MED28: variants seen among roughly 807,000 people sequenced by gnomAD.
MED28 encodes mediator of RNA polymerase II transcription subunit 28.
MED28 carries 26 observed loss-of-function variants against 21.3 expected under a neutral mutation model. The ratio of observed to expected loss-of-function variants is 1.22; its 90% CI spans 0.89 to 1.69. The LOEUF is 1.69. Among genes scored for constraint, MED28 ranks in the 40% most tolerant of loss-of-function variants. The pLI is 0.00. For missense variants in MED28, 257 were observed against 215.4 expected (o/e 1.19, Z -1.21); for synonymous variants, 110 against 87.6 (o/e 1.26, Z -1.43).
intron 1 of MED28, among the ~76,000 whole-genome samples, chr4:17,616,927 T>C (rs1481889457): frequency 1.3e-5 from 2 of 152,216 alleles, no homozygotes; most frequent in East Asian, 3.8e-4. Flanking sequence ...GAGAACTCCC[T>C]CTGGGACTTG....
chr4:17,615,547 C>G (rs932145112), intron 1 of MED28, among the ~76,000 whole-genome samples: 9 of 152,168 alleles, frequency 5.9e-5, no homozygotes, highest in Non-Finnish European at 1.0e-4. Context: ...CGCGGTGGCT[C>G]ACGCCTGTAA....
chr4:17,623,749 A>T lies in MED28; in HGVS notation c.488A>T (p.Tyr163Phe). ...PADIPQGSLA[Y>F]LEQASANIPA... ...GACATCCCTCAGGGCTCCTTGGCCT[A>T]CCTGGAGCAGGCATCTGCCAACATC... The change falls in exon 4 of 4, where the codon TAC becomes TTC. Residue 163 changes from tyrosine (Y) to phenylalanine (F), a missense_variant. By Grantham distance (22) the Tyr-to-Phe change is conservative (BLOSUM62 3). Transcript: ENST00000237380. 6.2e-7 allele frequency: 1 copy of T among 1,614,202 alleles called. No individual in the cohort carries two copies. The highest frequency in any genetic ancestry group is 8.5e-7 in the Non-Finnish European group (1 of 1,180,016).
In MED28 at chr4:17,632,636, A is replaced by AT; in HGVS notation, c.*8838_*8839insT. On this transcript the variant is annotated 3_prime_UTR_variant, in exon 4 of 4. Transcript: ENST00000237380. ...TCACCATCTGGGGTCCTAAAAGCAA[A>AT]AAAAGGTTTTTTTATATGGTTTTGA... is the stretch of plus-strand genomic sequence containing the variant. The AT allele has an allele frequency of 1.3e-6, 2 of 1,535,914 alleles. No individual in the cohort carries two copies. The highest frequency in any genetic ancestry group is 1.8e-6 in the Non-Finnish European group (2 of 1,135,638).
In MED28 at chr4:17,633,708, C is replaced by T; in HGVS notation, c.*9910C>T. The T allele has an allele frequency of 6.5e-7, 1 of 1,545,090 alleles. No homozygotes were observed. Among genetic ancestry groups the T allele is most frequent in the Non-Finnish European group, 8.7e-7 (1 of 1,143,992 alleles). On this transcript the variant is annotated 3_prime_UTR_variant, in exon 4 of 4. Transcript: ENST00000237380. Reference sequence around the variant, plus strand: ...CCAAACCTTGTGGCAGTTTTTGCATCTGTAGACTGGTTGGGTTTGTAGGTC... The same window carrying T: ...CCAAACCTTGTGGCAGTTTTTGCATTTGTAGACTGGTTGGGTTTGTAGGTC...
chr4:17,630,364 T>C lies in MED28; in HGVS notation c.*6566T>C, dbSNP rs1714888330. 6.6e-6 allele frequency: 1 copy of C among 152,136 alleles called. No individual in the cohort carries two copies. Among genetic ancestry groups the C allele is most frequent in the Non-Finnish European group, 1.5e-5 (1 of 68,036 alleles). The allele number at this position is 152,136 out of a possible 1,614,324, so 9.4% of individuals were successfully genotyped here. ...TGGGAAGCAATGGAGTCATGAGGGC[T>C]TCACCCTCATGAGTAGGATAAGTAC... On this transcript the variant is annotated 3_prime_UTR_variant, in exon 4 of 4. Transcript: ENST00000237380.
rs1368250149 is a variant in MED28 at position 17,626,168 on chromosome 4, CA to C, written c.*2371del. The C allele has an allele frequency of 6.5e-6, 1 of 154,290 alleles. No homozygotes were observed. The highest frequency in any genetic ancestry group is 2.4e-5 in the African/African-American group (1 of 41,442). 9.6% of individuals were successfully genotyped at this position (154,290 alleles called of 1,614,324 possible). A position where few individuals can be genotyped will look rare whatever the true frequency, so the allele number is the denominator to read the frequency against. On this transcript the variant is annotated 3_prime_UTR_variant, in exon 4 of 4. Transcript: ENST00000237380. ...AGGAGAATCGCTTGAACCTGGGAGG[CA>C]GAGGTTGTGATGAGCCAAGATCGTG...
rs1228443776 is a variant in MED28 at position 17,627,470 on chromosome 4, CTTAACTG to C, written c.*3678_*3684del. On this transcript the variant is annotated 3_prime_UTR_variant, in exon 4 of 4. Transcript: ENST00000237380. Reference sequence around the variant, plus strand: ...CCTCTTTTCTCCTCCACCCAAATGTCTTAACTGTTAACATTCCCAGGTGTTTGGTCCT... The same window carrying C: ...CCTCTTTTCTCCTCCACCCAAATGTCTTAACATTCCCAGGTGTTTGGTCCT... The C allele has an allele frequency of 1.3e-5, 2 of 150,134 alleles. No homozygotes were observed. The highest frequency in any genetic ancestry group is 5.1e-5 in the African/African-American group (2 of 39,470). The allele number at this position is 150,134 out of a possible 1,614,324, so 9.3% of individuals were successfully genotyped here. A position where few individuals can be genotyped will look rare whatever the true frequency, so the allele number is the denominator to read the frequency against.
At chr4:17,618,211 G>T (rs1054683525) in intron 1 of MED28, among the ~76,000 whole-genome samples, 2 of 151,884 alleles carry the variant, frequency 1.3e-5, no homozygotes, top group Admixed American at 6.6e-5. Flanking sequence ...GTTTCACCAC[G>T]TTGCCCATGC....
intron 1 of MED28, among the ~76,000 whole-genome samples, chr4:17,617,322 T>C (rs1156673319): frequency 6.6e-6 from 1 of 152,244 alleles, no homozygotes; most frequent in Admixed American, 6.5e-5. Flanking sequence ...CAGCACCTAC[T>C]TACCTGCTTC....
intron 2 of MED28, among the ~76,000 whole-genome samples, chr4:17,620,857 C>A (rs1320824790): frequency 6.6e-6 from 1 of 151,910 alleles, no homozygotes; most frequent in African/African-American, 2.4e-5. Context: ...TGAGCCACCA[C>A]ATTTGGCTAA....
Position 17,632,585 on chromosome 4 carries a change from G to T in MED28, c.*8787G>T. ...TCCTGGTGCGGAGAGCCCTGTTTCT[G>T]CTGGACTTCTTTGGCTTGGGCCGTT... On this transcript the variant is annotated 3_prime_UTR_variant, in exon 4 of 4. Transcript: ENST00000237380. 3 of 1,551,360 alleles carry T rather than the reference G, an allele frequency of 1.9e-6. No homozygotes were observed. Among genetic ancestry groups the T allele is most frequent in the Non-Finnish European group, 1.7e-6 (2 of 1,146,766 alleles).
At position 17,631,491 on chromosome 4, in the gene MED28, A is replaced by G. The variant is rs562136432; in HGVS notation, c.*7693A>G. 1.3e-5 allele frequency: 2 copies of G among 152,340 alleles called. No individual in the cohort carries two copies. The highest frequency in any genetic ancestry group is 3.9e-4 in the East Asian group (2 of 5,184). 9.4% of individuals were successfully genotyped at this position (152,340 alleles called of 1,614,324 possible). ...GAAGATCTTTGACTTCAAAGAACAG[A>G]TAATCTAGAGACCTTCACAAGTGAT... On this transcript the variant is annotated 3_prime_UTR_variant, in exon 4 of 4. Coordinates refer to ENST00000237380, the MANE Select transcript of MED28 (RefSeq NM_025205.5).
rs1002619960 is a variant in MED28 at position 17,633,004 on chromosome 4, C to A, written c.*9206C>A. The A allele has an allele frequency of 1.2e-5, 2 of 162,548 alleles. No individual in the cohort carries two copies. The highest frequency in any genetic ancestry group is 2.7e-5 in the Non-Finnish European group (2 of 74,126). 10.1% of individuals were successfully genotyped at this position (162,548 alleles called of 1,614,324 possible). On this transcript the variant is annotated 3_prime_UTR_variant, in exon 4 of 4. Transcript: ENST00000237380. ...TGGCATGATCTCGGCTCACTGCAAC[C>A]TCCAGCCTCCTGCGTTCAAGCGATC...
chr4:17,633,859 G>A lies in MED28; in HGVS notation c.*10061G>A, dbSNP rs1017017383. 1.2e-5 allele frequency: 19 copies of A among 1,550,644 alleles called. No homozygotes were observed. The Admixed American group carries it at 2.2e-4, about 18-fold the overall frequency. On this transcript the variant is annotated 3_prime_UTR_variant, in exon 4 of 4. Coordinates refer to ENST00000237380, the MANE Select transcript of MED28 (RefSeq NM_025205.5). ...AGGCGAGGTTCGGCACGCTGACCAC[G>A]CGGCTGGGCACGTCCTCCACCTTCT...
intron 1 of MED28, among the ~76,000 whole-genome samples, chr4:17,616,016 A>G (rs1560156114): frequency 1.3e-5 from 2 of 151,944 alleles, no homozygotes; most frequent in Admixed American, 6.6e-5. Flanking sequence ...GCTGGAGTAC[A>G]GTGGCGCAAT....
intron 1 of MED28, among the ~76,000 whole-genome samples, chr4:17,616,140 A>G (rs1008022329): frequency 1.3e-5 from 2 of 152,088 alleles, no homozygotes; most frequent in Non-Finnish European, 2.9e-5. Flanking sequence ...ATTTTTTAGT[A>G]GAGACAGGGC....
At position 17,633,727 on chromosome 4, in the gene MED28, G is replaced by A. The variant is rs1394873377; in HGVS notation, c.*9929G>A. ...TTGCATCTGTAGACTGGTTGGGTTT[G>A]TAGGTCCGGCCACAGCTGGGGCTTG... On this transcript the variant is annotated 3_prime_UTR_variant, in exon 4 of 4. Coordinates refer to ENST00000237380, the MANE Select transcript of MED28 (RefSeq NM_025205.5). 1.9e-6 allele frequency: 3 copies of A among 1,549,256 alleles called. No individual in the cohort carries two copies. Among genetic ancestry groups the A allele is most frequent in the Admixed American group, 3.9e-5 (2 of 50,686 alleles).
At position 17,632,490 on chromosome 4, in the gene MED28, A is replaced by G. The variant is rs1714982732; in HGVS notation, c.*8692A>G. On this transcript the variant is annotated 3_prime_UTR_variant, in exon 4 of 4. Coordinates refer to ENST00000237380, the MANE Select transcript of MED28 (RefSeq NM_025205.5). ...CCTTCAATCGGATGATTTAAAATAAATGTTTTTCAAGTATCCTCTGTGATG... is the reference window on the plus strand; with the variant it reads ...CCTTCAATCGGATGATTTAAAATAAGTGTTTTTCAAGTATCCTCTGTGATG... The G allele has an allele frequency of 1.4e-6, 2 of 1,417,324 alleles. No individual in the cohort carries two copies. Among genetic ancestry groups the G allele is most frequent in the African/African-American group, 1.4e-5 (1 of 69,956 alleles). 87.8% of individuals were successfully genotyped at this position (1,417,324 alleles called of 1,614,324 possible). A position where few individuals can be genotyped will look rare whatever the true frequency, so the allele number is the denominator to read the frequency against.
rs574907179 is a variant in MED28 at position 17,631,335 on chromosome 4, T to C, written c.*7537T>C. 7.4e-6 allele frequency: 1 copy of C among 134,664 alleles called. No homozygotes were observed. Among genetic ancestry groups the C allele is most frequent in the African/African-American group, 4.0e-5 (1 of 24,840 alleles). The allele number at this position is 134,664 out of a possible 1,614,324, so 8.3% of individuals were successfully genotyped here. A position where few individuals can be genotyped will look rare whatever the true frequency, so the allele number is the denominator to read the frequency against. Reference sequence around the variant, plus strand: ...AGTAGCTGGGTTTTCTTTGGGCTAATTATTTTTTTGTAGAGATGGAGGTCT... The same window carrying C: ...AGTAGCTGGGTTTTCTTTGGGCTAACTATTTTTTTGTAGAGATGGAGGTCT... On this transcript the variant is annotated 3_prime_UTR_variant, in exon 4 of 4. Transcript: ENST00000237380.
Sources: gnomAD v4.1 joint callset for allele counts (sites outside exome capture counted in the v4.1 genomes callset) on GRCh38, gnomAD v4.1.1 for gene constraint, MANE v1.5 for transcripts, NCBI Gene and HGNC (gene_info 2026-07-23, HGNC 2026-07-21) for gene names.